FRK: variants seen among roughly 807,000 people sequenced by gnomAD.
FRK encodes tyrosine-protein kinase FRK.
Under a neutral mutation model 56.4 loss-of-function variants are expected in FRK, and 51 were observed. The observed-to-expected ratio is 0.90, with a 90% confidence interval of 0.72 to 1.14. The LOEUF (loss-of-function observed/expected upper bound fraction) is 1.14, where lower values mean the gene tolerates loss of function less well. Among genes scored for constraint, FRK ranks in the 50% most tolerant of loss-of-function variants. FRK has a pLI of 0.00. For missense variants in FRK, 570 were observed against 601.4 expected, an observed-to-expected ratio of 0.95 and a Z score of 0.55; for synonymous variants, 245 against 217.9, an observed-to-expected ratio of 1.12 and a Z score of -1.10.
At chr6:116,002,624 A>C in intron 2 of FRK, 1 of 440,506 alleles carries the variant, frequency 2.3e-6, no homozygotes, top group South Asian at 1.6e-5. Context: ...AAAAAATGGT[A>C]ATTGACACAT....
intron 1 of FRK, among the ~76,000 whole-genome samples, chr6:116,039,883 C>T (rs778481983): frequency 1.3e-5 from 2 of 151,122 alleles, no homozygotes; most frequent in African/African-American, 2.4e-5. Context: ...CCACGGTGCC[C>T]GCGCCTGTGT....
chr6:116,092,719 C>T, the FRK span, among the ~76,000 whole-genome samples: 5 of 152,170 alleles, frequency 3.3e-5, no homozygotes, highest in African/African-American at 9.7e-5. Flanking sequence ...GCTGCTGCGT[C>T]GGTGAGTGCA....
At chr6:116,073,864 T>C in the FRK span, among the ~76,000 whole-genome samples, 1 of 152,180 alleles carries the variant, frequency 6.6e-6, no homozygotes, top group Non-Finnish European at 1.5e-5. Flanking sequence ...CAAAGACTGC[T>C]GGGGGAATTA....
At chr6:115,961,765 T>C (rs1442621230) in intron 4 of FRK, among the ~76,000 whole-genome samples, 1 of 31,790 alleles carries the variant, frequency 3.1e-5, no homozygotes. Context: ...AAAAGAATTT[T>C]CAACCCAGAA....
intron 4 of FRK, 130 bp downstream of exon 4, chr6:115,967,421 G>T: frequency 1.2e-6 from 1 of 800,540 alleles, no homozygotes; most frequent in Non-Finnish European, 2.0e-6. Flanking sequence ...GGTCACCTGG[G>T]CTAGAGACAA....
At chr6:116,051,384 TG>T (rs1461470179) in intron 1 of FRK, among the ~76,000 whole-genome samples, 1 of 152,112 alleles carries the variant, frequency 6.6e-6, no homozygotes, top group African/African-American at 2.4e-5. Flanking sequence ...TCGACTCAAT[TG>T]GTAAATAGAA....
At chr6:116,038,424 C>CA (rs1562298744) in intron 1 of FRK, among the ~76,000 whole-genome samples, 1 of 151,162 alleles carries the variant, frequency 6.6e-6, no homozygotes, top group Non-Finnish European at 1.5e-5. Context: ...TAAAAGAATT[C>CA]AAAAAAAGAG....
intron 2 of FRK, among the ~76,000 whole-genome samples, chr6:115,993,655 T>G (rs1774707761): frequency 6.6e-6 from 1 of 152,034 alleles, no homozygotes; most frequent in Non-Finnish European, 1.5e-5. Context: ...AGGGCAAATG[T>G]AAGCATGCTT....
At chr6:116,032,160 A>T (rs1281411192) in intron 1 of FRK, among the ~76,000 whole-genome samples, 1 of 152,022 alleles carries the variant, frequency 6.6e-6, no homozygotes, top group African/African-American at 2.4e-5. Flanking sequence ...GAAGACAATA[A>T]ATTTTTTCTG....
upstream of FRK, among the ~76,000 whole-genome samples, chr6:116,062,209 T>G (rs73772221): frequency 7.9e-3 from 1,198 of 152,210 alleles, 21 homozygotes; most frequent in South Asian, 0.044. Flanking sequence ...GACAGAAGTA[T>G]AAAAGCCAAA....
chr6:116,005,618 T>C (rs1775219609), intron 1 of FRK, among the ~76,000 whole-genome samples: 2 of 152,184 alleles, frequency 1.3e-5, no homozygotes, highest in Non-Finnish European at 2.9e-5. Flanking sequence ...CAGGAGCAAA[T>C]TGATGTCCAT....
At chr6:115,985,156 C>T (rs1774344495) in intron 2 of FRK, among the ~76,000 whole-genome samples, 1 of 152,104 alleles carries the variant, frequency 6.6e-6, no homozygotes, top group African/African-American at 2.4e-5. Context: ...CCAAAAAGAA[C>T]ACTCCCTGCA....
At chr6:116,038,539 C>A (rs1582743056) in intron 1 of FRK, among the ~76,000 whole-genome samples, 1 of 152,122 alleles carries the variant, frequency 6.6e-6, no homozygotes, top group Admixed American at 6.5e-5. Flanking sequence ...ATAAAGAAAA[C>A]CATGATGTGT....
intron 2 of FRK, among the ~76,000 whole-genome samples, chr6:116,003,515 G>A (rs1489091156): frequency 1.3e-5 from 2 of 152,034 alleles, no homozygotes; most frequent in African/African-American, 4.8e-5. Flanking sequence ...AATGCCAGAA[G>A]AAGAAAAAAA....
chr6:115,948,677 G>C (rs934099006), intron 5 of FRK, among the ~76,000 whole-genome samples: 3 of 152,126 alleles, frequency 2.0e-5, no homozygotes, highest in African/African-American at 7.2e-5. Flanking sequence ...ATTCTCCCCT[G>C]AGTTCCAGAC....
At chr6:116,010,837 T>C (rs1436664478) in intron 1 of FRK, among the ~76,000 whole-genome samples, 1 of 152,226 alleles carries the variant, frequency 6.6e-6, no homozygotes, top group Non-Finnish European at 1.5e-5. Context: ...AAGGCAGATA[T>C]TATCAATTTT....
At chr6:116,054,108 T>C (rs532851943) in intron 1 of FRK, among the ~76,000 whole-genome samples, 15 of 151,678 alleles carry the variant, frequency 9.9e-5, no homozygotes, top group Admixed American at 2.6e-4. Context: ...ATATAACAAA[T>C]TGAGTTAGTT....
chr6:116,041,455 G>T (rs1776708740), intron 1 of FRK, among the ~76,000 whole-genome samples: 1 of 152,144 alleles, frequency 6.6e-6, no homozygotes, highest in South Asian at 2.1e-4. Context: ...ATTAAGTCGT[G>T]CGCAAGATGG....
chr6:116,003,063 A>G (rs1775124463), intron 2 of FRK, among the ~76,000 whole-genome samples: 1 of 152,222 alleles, frequency 6.6e-6, no homozygotes, highest in African/African-American at 2.4e-5. Flanking sequence ...ATTGCAGGGA[A>G]ACAGGAATAG....
Sources: gnomAD v4.1 joint callset for allele counts (sites outside exome capture counted in the v4.1 genomes callset) on GRCh38, gnomAD v4.1.1 for gene constraint, MANE v1.5 for transcripts, NCBI Gene and HGNC (gene_info 2026-07-23, HGNC 2026-07-21) for gene names.